RARG: variants seen among roughly 807,000 people sequenced by gnomAD.
The protein encoded by RARG is RAR-gamma.
In RARG, 17 loss-of-function variants were observed where a neutral mutation model predicts 43.7. That is an observed-to-expected ratio of 0.39 (90% CI 0.27 to 0.58). The LOEUF (loss-of-function observed/expected upper bound fraction) is 0.58. Among genes scored for constraint, RARG ranks in the 20% least tolerant of loss-of-function variants. The pLI is 0.57. For missense variants in RARG, 346 were observed against 598.7 expected, an observed-to-expected ratio of 0.58 and a Z score of 4.40; for synonymous variants, 238 against 236.4, an observed-to-expected ratio of 1.01 and a Z score of -0.06.
rs1942743144 is a variant in RARG at position 53,215,788 on chromosome 12, T to C, written c.191A>G (p.Glu64Gly). The change falls in exon 4 of 10, where the codon GAG becomes GGG. Residue 64 changes from glutamate to glycine, a missense_variant. By Grantham distance (98) the Glu-to-Gly change is moderately conservative. Coordinates refer to ENST00000425354, the MANE Select transcript of RARG (RefSeq NM_000966.6). This position sits in a 1 kb window ranked among gnomAD's most constrained non-coding sequence, Gnocchi z 6.4. ...LPKEMASLSV[E>G]TQSTSSEEMV... Reference sequence around the variant, plus strand: ...CTCCTCTGAGCTGGTGCTCTGTGTCTCCACCGCTGGGAGGGAAGCAGTGAT... The same window carrying C: ...CTCCTCTGAGCTGGTGCTCTGTGTCCCCACCGCTGGGAGGGAAGCAGTGAT... 1.2e-6 allele frequency: 2 copies of C among 1,604,130 alleles called. No individual in the cohort carries two copies. The highest frequency in any genetic ancestry group is 1.3e-5 in the African/African-American group (1 of 74,774).
In RARG at chr12:53,215,501, C is replaced by T; in HGVS notation, c.334-67G>A. On this transcript the variant is annotated intron_variant, in intron 4 of 9. Transcript: ENST00000425354. This position sits in a 1 kb window ranked among gnomAD's most constrained non-coding sequence, Gnocchi z 6.4. Reference sequence around the variant, plus strand: ...CTGGGAGTACCAGCCTCTCACTGGCCTTGCAGGTTGCCCCAAGCCTGACCT... The same window carrying T: ...CTGGGAGTACCAGCCTCTCACTGGCTTTGCAGGTTGCCCCAAGCCTGACCT... 6.2e-7 allele frequency: 1 copy of T among 1,604,994 alleles called. No individual in the cohort carries two copies. The highest frequency in any genetic ancestry group is 8.5e-7 in the Non-Finnish European group (1 of 1,173,320).
At position 53,215,267 on chromosome 12, in the gene RARG, T is replaced by C. The variant is rs1351031363; in HGVS notation, c.475+26A>G. On this transcript the variant is annotated intron_variant, in intron 5 of 9. Coordinates refer to ENST00000425354, the MANE Select transcript of RARG (RefSeq NM_000966.6). This position sits in a 1 kb window ranked among gnomAD's most constrained non-coding sequence, Gnocchi z 6.4. The stretch of plus-strand genomic sequence containing the variant: ...CCATAGGGTAGGACCGAAGTGCTCC[T>C]GCCCAAGCCAAGGATGGCAGCCTAC... 6.2e-7 allele frequency: 1 copy of C among 1,612,006 alleles called. No individual in the cohort carries two copies. Among genetic ancestry groups the C allele is most frequent in the Admixed American group, 1.7e-5 (1 of 59,916 alleles).
chr12:53,211,826 TG>T lies in RARG; in HGVS notation c.1214del (p.Pro405GlnfsTer7). ...ERAITLKMEIPGPMPPLIREM... is the reference protein window; with the variant it reads ...ERAITLKMEIXGPMPPLIREM... ...CTCGGATTAAGGGAGGCATCGGGCCTGGAATCTCCATCTTCAGAGTAATGGC... is the reference window on the plus strand; with the variant it reads ...CTCGGATTAAGGGAGGCATCGGGCCTGAATCTCCATCTTCAGAGTAATGGC... On this transcript the variant is annotated frameshift_variant, in exon 10 of 10. Transcript: ENST00000425354. LOFTEE classifies it high-confidence loss of function. The surrounding 1 kb of genome is among the most constrained non-coding windows in gnomAD (Gnocchi z 4.6). 1 of 1,521,830 alleles carries T rather than the reference TG, an allele frequency of 6.6e-7. No individual in the cohort carries two copies. The highest frequency in any genetic ancestry group is 2.2e-5 in the Admixed American group (1 of 45,548). 94.3% of individuals were successfully genotyped at this position (1,521,830 alleles called of 1,614,324 possible). A position where few individuals can be genotyped will look rare whatever the true frequency, so the allele number is the denominator to read the frequency against.
rs1942665535 is a variant in RARG at position 53,213,410 on chromosome 12, TC to T, written c.1018+85del. 6.5e-7 allele frequency: 1 copy of T among 1,529,682 alleles called. No individual in the cohort carries two copies. Among genetic ancestry groups the T allele is most frequent in the African/African-American group, 1.4e-5 (1 of 73,090 alleles). 94.8% of individuals were successfully genotyped at this position (1,529,682 alleles called of 1,614,324 possible). Reference sequence around the variant, plus strand: ...ACCAGCAGAAGAGACCACTGGGTCCTCCACGCCCCCTCCCAGACAGATTCCG... The same window carrying T: ...ACCAGCAGAAGAGACCACTGGGTCCTCACGCCCCCTCCCAGACAGATTCCG... On this transcript the variant is annotated intron_variant, in intron 8 of 9. Transcript: ENST00000425354. The surrounding 1 kb of genome is among the most constrained non-coding windows in gnomAD (Gnocchi z 4.7).
chr12:53,212,329 G>A (rs1942614017), intron 9 of RARG, among the ~76,000 whole-genome samples: 1 of 152,236 alleles, frequency 6.6e-6, no homozygotes, highest in African/African-American at 2.4e-5. Flanking sequence ...TTGGCCACAT[G>A]TGGCAATCTG....
chr12:53,231,734 C>T (rs1233027257), intron 1 of RARG, among the ~76,000 whole-genome samples: 2 of 152,260 alleles, frequency 1.3e-5, no homozygotes, highest in African/African-American at 4.8e-5. Flanking sequence ...CTCTGCTATG[C>T]ACCAAAATGA....
At chr12:53,224,390 T>C (rs1943059216) in intron 3 of RARG, among the ~76,000 whole-genome samples, 1 of 152,126 alleles carries the variant, frequency 6.6e-6, no homozygotes, top group African/African-American at 2.4e-5. Flanking sequence ...CCTCTCTTAG[T>C]CTATGTGTGA....
At chr12:53,224,707 G>T (rs1404714541) in intron 3 of RARG, among the ~76,000 whole-genome samples, 1 of 124,162 alleles carries the variant, frequency 8.1e-6, no homozygotes, top group Non-Finnish European at 1.7e-5. Flanking sequence ...CCACCCCCAA[G>T]CCTTCCCCTC....
In RARG at chr12:53,211,607, C is replaced by A. The variant is rs566018470; in HGVS notation, c.*69G>T. 25 of 1,284,828 alleles carry A rather than the reference C, an allele frequency of 1.9e-5. No homozygotes were observed. Among genetic ancestry groups the A allele is most frequent in the Non-Finnish European group, 2.5e-5 (25 of 984,056 alleles). The allele number at this position is 1,284,828 out of a possible 1,614,324, so 79.6% of individuals were successfully genotyped here. On this transcript the variant is annotated 3_prime_UTR_variant, in exon 10 of 10. Transcript: ENST00000425354. This position sits in a 1 kb window ranked among gnomAD's most constrained non-coding sequence, Gnocchi z 4.6. Reference sequence around the variant, plus strand: ...GAGCAGGTCCTCCCCCAGTCACTGGCGGTCTGGGAGATGGTCAGTCTGCTG... The same window carrying A: ...GAGCAGGTCCTCCCCCAGTCACTGGAGGTCTGGGAGATGGTCAGTCTGCTG...
intron 2 of RARG, among the ~76,000 whole-genome samples, chr12:53,229,428 C>T (rs577338918): frequency 7.9e-5 from 12 of 152,222 alleles, no homozygotes; most frequent in Non-Finnish European, 1.6e-4. Context: ...GTTACAAGAA[C>T]CCAGACCCCA....
chr12:53,221,847 C>G (rs1422562838), intron 3 of RARG, among the ~76,000 whole-genome samples: 1 of 151,670 alleles, frequency 6.6e-6, no homozygotes, highest in Non-Finnish European at 1.5e-5. Flanking sequence ...CCCGGCCCGG[C>G]CCTTCCCCCG....
intron 3 of RARG, among the ~76,000 whole-genome samples, chr12:53,226,437 C>T (rs1247435215): frequency 6.6e-6 from 1 of 152,198 alleles, no homozygotes; most frequent in Admixed American, 6.5e-5. Context: ...AAGCGATTCT[C>T]CTGCCTCAGC....
Position 53,227,749 on chromosome 12 carries a change from G to A in RARG, c.-142-62C>T. 1.8e-6 allele frequency: 2 copies of A among 1,141,392 alleles called. No homozygotes were observed. Among genetic ancestry groups the A allele is most frequent in the Non-Finnish European group, 2.3e-6 (2 of 886,980 alleles). 70.7% of individuals were successfully genotyped at this position (1,141,392 alleles called of 1,614,324 possible). ...TGACCACTCTGAGGTTCCAAGCCCT[G>A]TGACCCTCTCTCAGTTGCAGTCTTC... On this transcript the variant is annotated intron_variant, in intron 2 of 9. Coordinates refer to ENST00000425354, the MANE Select transcript of RARG (RefSeq NM_000966.6). This position sits in a 1 kb window ranked among gnomAD's most constrained non-coding sequence, Gnocchi z 4.3.
intron 3 of RARG, among the ~76,000 whole-genome samples, chr12:53,225,952 G>T (rs961627395): frequency 1.3e-5 from 2 of 152,150 alleles, no homozygotes; most frequent in African/African-American, 2.4e-5. Flanking sequence ...GATGCTTCTG[G>T]AACACCCCCT....
chr12:53,217,287 TGA>T (rs1334938486), intron 3 of RARG, among the ~76,000 whole-genome samples: 1 of 152,174 alleles, frequency 6.6e-6, no homozygotes, highest in Admixed American at 6.5e-5. Flanking sequence ...GGGCTGGTGC[TGA>T]GAGATGTGAG....
At position 53,228,975 on chromosome 12, in the gene RARG, A is replaced by G. The variant is rs373297513; in HGVS notation, c.-142-1288T>C. Reference sequence around the variant, plus strand: ...AGTAGGCTTCCCTCTAAGAGTTTAAACCTGAGCCCAGGGGAAGGGGAGGAG... The same window carrying G: ...AGTAGGCTTCCCTCTAAGAGTTTAAGCCTGAGCCCAGGGGAAGGGGAGGAG... On this transcript the variant is annotated intron_variant, in intron 2 of 9. Coordinates refer to ENST00000425354, the MANE Select transcript of RARG (RefSeq NM_000966.6). Among the ~76,000 whole-genome samples the G allele has an allele frequency of 2.0e-5, 3 of 152,056 alleles. No individual in the cohort carries two copies. The East Asian group carries it at 5.8e-4, about 29-fold the overall frequency.
At chr12:53,228,989 G>A (rs1943172030) in intron 2 of RARG, among the ~76,000 whole-genome samples, 1 of 152,162 alleles carries the variant, frequency 6.6e-6, no homozygotes, top group Admixed American at 6.5e-5. Context: ...GAGCCCAGGG[G>A]AAGGGGAGGA....
chr12:53,225,581 G>C (rs955826639), intron 3 of RARG, among the ~76,000 whole-genome samples: 1 of 152,200 alleles, frequency 6.6e-6, no homozygotes, highest in African/African-American at 2.4e-5. Context: ...CTCTGCGCTC[G>C]TGGAGCCATG....
chr12:53,212,977 T>TC, intron 9 of RARG, 108 bp downstream of exon 9: 5 of 1,326,064 alleles, frequency 3.8e-6, no homozygotes, highest in South Asian at 3.0e-5. Context: ...CCAGTGTAGA[T>TC]TGCCTGGTTC....
Sources: allele counts gnomAD v4.1 joint callset (sites outside exome capture counted in the v4.1 genomes callset), GRCh38; gene constraint gnomAD v4.1.1; non-coding constraint Gnocchi (gnomAD v3.1); transcripts MANE v1.5; gene names NCBI Gene and HGNC (gene_info 2026-07-23, HGNC 2026-07-21).